The following PATJ variants were observed in gnomAD, a reference collection of about 807,000 sequenced individuals.
PATJ encodes the protein PATJ crumbs cell polarity complex component, also known as inaD-like protein.
In PATJ, 190 loss-of-function variants were observed where a neutral mutation model predicts 224.9. The ratio of observed to expected loss-of-function variants is 0.84; its 90% CI spans 0.75 to 0.95. PATJ has a LOEUF of 0.95. Ranked by LOEUF, PATJ falls within the 40% of genes least tolerant of loss-of-function variation. The probability of loss-of-function intolerance (pLI) is 0.00; values close to 1 mark genes in which losing one functional copy is unlikely to be tolerated. For synonymous variants in PATJ, 769 were observed against 820.3 expected (o/e 0.94, Z 1.07); for missense variants, 2,121 against 2,270.3 (o/e 0.93, Z 1.34).
intron 43 of PATJ, among the ~76,000 whole-genome samples, chr1:62,160,218 G>GA (rs955217623): frequency 2.0e-5 from 3 of 151,988 alleles, no homozygotes; most frequent in African/African-American, 7.2e-5. Flanking sequence ...GCTTTAGAGT[G>GA]AAAAAACCCT....
rs900229270 is a variant in PATJ, at chr1:62,018,115, T to A, written c.3959+168T>A. ...AGAAAAGTATTGATTGTTTTGATTA[T>A]GAGATTGTCTTATTTGCTTATGTTT... On this transcript the variant is annotated intron_variant, in intron 29 of 43. Transcript: ENST00000642238. The surrounding 1 kb of genome is among the most constrained non-coding windows in gnomAD (Gnocchi z 4.2). Among the ~76,000 whole-genome samples, 34 of 152,128 alleles carry A rather than the reference T, an allele frequency of 2.2e-4. No individual in the cohort carries two copies. The highest frequency in any genetic ancestry group is 6.3e-4 in the African/African-American group (26 of 41,462).
chr1:61,769,517 A>G, intron 5 of PATJ, 95 bp downstream of exon 5: 1 of 1,338,670 alleles, frequency 7.5e-7, no homozygotes, highest in Non-Finnish European at 1.0e-6. Context: ...AAAAACAGTA[A>G]CAGTAACAGC....
At chr1:61,998,322 G>T (rs1297109104) in intron 28 of PATJ, among the ~76,000 whole-genome samples, 1 of 151,772 alleles carries the variant, frequency 6.6e-6, no homozygotes, top group Non-Finnish European at 1.5e-5. Context: ...GACCTTAAGT[G>T]ATCTGCCTGC....
chr1:62,155,900 A>G (rs1448272549), intron 43 of PATJ, among the ~76,000 whole-genome samples: 1 of 151,446 alleles, frequency 6.6e-6, no homozygotes, highest in Non-Finnish European at 1.5e-5. Flanking sequence ...TACTAAAAAT[A>G]TAAAAAAATT....
At chr1:62,103,042 C>T (rs1288168256) in intron 33 of PATJ, among the ~76,000 whole-genome samples, 1 of 152,076 alleles carries the variant, frequency 6.6e-6, no homozygotes, top group East Asian at 1.9e-4. Flanking sequence ...CTTCTGCTTC[C>T]ACAAGTCATC....
At position 62,086,287 on chromosome 1, in the gene PATJ, A is replaced by G. The variant is rs76853128; in HGVS notation, c.4377+1639A>G. Among the ~76,000 whole-genome samples the G allele has an allele frequency of 0.026, 3,814 of 146,362 alleles. 107 individuals carry two copies. Among genetic ancestry groups the G allele is most frequent in the South Asian group, 0.14 (661 of 4,802 alleles). ...AATACCTGCATATTATACAAAGTTAAATTGATACAAAAGGAAAATTGTGTG... is the reference window on the plus strand; with the variant it reads ...AATACCTGCATATTATACAAAGTTAGATTGATACAAAAGGAAAATTGTGTG... On this transcript the variant is annotated intron_variant, in intron 33 of 43. Transcript: ENST00000642238. The surrounding 1 kb of genome is among the most constrained non-coding windows in gnomAD (Gnocchi z 4.0).
intron 27 of PATJ, among the ~76,000 whole-genome samples, chr1:61,962,941 A>C (rs543134153): frequency 1.3e-5 from 2 of 152,374 alleles, no homozygotes; most frequent in South Asian, 4.1e-4. Context: ...CCTCCTTTTA[A>C]GGATATTTCT....
intron 17 of PATJ, 127 bp downstream of exon 17, chr1:61,833,912 A>G: frequency 1.4e-6 from 1 of 733,150 alleles, no homozygotes; most frequent in Non-Finnish European, 2.2e-6. Flanking sequence ...GGGATATTAT[A>G]CTACTTTCAA....
chr1:61,932,303 C>T (rs752663951), intron 27 of PATJ, among the ~76,000 whole-genome samples: 6 of 152,132 alleles, frequency 3.9e-5, no homozygotes, highest in South Asian at 2.1e-4. Flanking sequence ...CTCTGAAAAC[C>T]GAAACCACTG....
chr1:61,969,079 T>A (rs1682578701), intron 27 of PATJ, among the ~76,000 whole-genome samples: 1 of 152,210 alleles, frequency 6.6e-6, no homozygotes, highest in Non-Finnish European at 1.5e-5. Context: ...GAAGGCTGCG[T>A]AGTATTCCAT....
chr1:61,791,691 T>C (rs1160662797), intron 9 of PATJ, among the ~76,000 whole-genome samples: 1 of 152,180 alleles, frequency 6.6e-6, no homozygotes, highest in Admixed American at 6.6e-5. Flanking sequence ...AATATTTGAA[T>C]TGTATCTTCT....
intron 10 of PATJ, among the ~76,000 whole-genome samples, chr1:61,795,807 G>T (rs978958857): frequency 3.3e-5 from 5 of 152,030 alleles, no homozygotes; most frequent in African/African-American, 1.2e-4. Flanking sequence ...ATACATGTAT[G>T]TTTGAAAGAT....
At chr1:62,073,409 G>A in intron 31 of PATJ, 1 of 731,876 alleles carries the variant, frequency 1.4e-6, no homozygotes, top group African/African-American at 1.9e-5. Flanking sequence ...GATTGCTTGA[G>A]GTCAGGAGTT....
intron 28 of PATJ, among the ~76,000 whole-genome samples, chr1:62,005,068 C>A (rs1049118510): frequency 6.6e-5 from 10 of 151,090 alleles, no homozygotes; most frequent in Non-Finnish European, 1.0e-4. Context: ...TTGGTTAATA[C>A]GTAGTTTTTT....
intron 27 of PATJ, among the ~76,000 whole-genome samples, chr1:61,969,803 C>T (rs1379899013): frequency 2.6e-5 from 4 of 152,098 alleles, no homozygotes; most frequent in East Asian, 1.9e-4. Flanking sequence ...AAGTGATTCT[C>T]GTGCCTCAGC....
chr1:61,915,782 C>T (rs1673375062), intron 26 of PATJ, among the ~76,000 whole-genome samples: 1 of 151,724 alleles, frequency 6.6e-6, no homozygotes, highest in African/African-American at 2.4e-5. Flanking sequence ...CTTCAACCTC[C>T]ACCTCCTGGG....
chr1:62,152,902 G>A (rs1668772805), intron 42 of PATJ, among the ~76,000 whole-genome samples: 1 of 152,068 alleles, frequency 6.6e-6, no homozygotes, highest in African/African-American at 2.4e-5. Flanking sequence ...ACTTTGGGAG[G>A]TAGAGGCAGG....
At chr1:61,824,575 G>A (rs745652470) in intron 15 of PATJ, among the ~76,000 whole-genome samples, 9 of 151,598 alleles carry the variant, frequency 5.9e-5, no homozygotes, top group African/African-American at 9.7e-5. Context: ...ATAGCTGTGC[G>A]CCACCATGCC....
intron 31 of PATJ, among the ~76,000 whole-genome samples, chr1:62,060,272 A>G (rs1252621326): frequency 1.3e-5 from 2 of 152,194 alleles, no homozygotes; most frequent in Non-Finnish European, 2.9e-5. Flanking sequence ...CACGTGCTCA[A>G]AGACTTAGAG....
Sources: allele counts gnomAD v4.1 joint callset (sites outside exome capture counted in the v4.1 genomes callset), GRCh38; gene constraint gnomAD v4.1.1; non-coding constraint Gnocchi (gnomAD v3.1); transcripts MANE v1.5; gene names NCBI Gene and HGNC (gene_info 2026-07-23, HGNC 2026-07-21).